Variants in HMGB1 observed in about 807,000 individuals in gnomAD.
The protein encoded by HMGB1 is high mobility group box 1.
For missense variants in HMGB1, 79 were observed against 253.5 expected (o/e 0.31, Z 4.67); for synonymous variants, 81 against 84.0 (o/e 0.96, Z 0.19).
intron 1 of HMGB1, among the ~76,000 whole-genome samples, chr13:30,484,387 C>T (rs1887311849): frequency 1.3e-5 from 2 of 152,186 alleles, no homozygotes; most frequent in East Asian, 3.8e-4. Context: ...GAGTCTATTA[C>T]CAGCTTTGCT....
intron 1 of HMGB1, among the ~76,000 whole-genome samples, chr13:30,491,032 CTT>C (rs936351783): frequency 6.8e-6 from 1 of 146,036 alleles, no homozygotes; most frequent in Non-Finnish European, 1.5e-5. Flanking sequence ...CACAAAAATA[CTT>C]TTTTTTTTTT....
chr13:30,550,816 T>C (rs1869392771), intron 1 of HMGB1, among the ~76,000 whole-genome samples: 1 of 152,272 alleles, frequency 6.6e-6, no homozygotes, highest in Admixed American at 6.5e-5. Flanking sequence ...TTTAAATTCA[T>C]GTGTCATATA....
rs142501980 is a variant in HMGB1 at position 30,559,370 on chromosome 13, G to T, written c.-15+57301C>A. Among the ~76,000 whole-genome samples, 1 of 152,112 alleles carries T rather than the reference G, an allele frequency of 6.6e-6. No individual in the cohort carries two copies. The highest frequency in any genetic ancestry group is 6.5e-5 in the Admixed American group (1 of 15,272). On this transcript the variant is annotated intron_variant, in intron 1 of 4. Coordinates refer to the HMGB1 transcript ENST00000405805. This position sits in a 1 kb window ranked among gnomAD's most constrained non-coding sequence, Gnocchi z 6.6. ...TTTTACAGGGTGAACTCCCAATCCC[G>T]GTAAGATGGCCCGAGTTTCATTGCT... is the stretch of plus-strand genomic sequence containing the variant.
intron 1 of HMGB1, among the ~76,000 whole-genome samples, chr13:30,600,552 C>A (rs1482562721): frequency 6.6e-6 from 1 of 152,066 alleles, no homozygotes; most frequent in Non-Finnish European, 1.5e-5. Flanking sequence ...TCAATTCAAT[C>A]CTAAAAATTA....
chr13:30,507,017 G>A (rs1438467883), intron 1 of HMGB1, among the ~76,000 whole-genome samples: 3 of 152,180 alleles, frequency 2.0e-5, no homozygotes, highest in Non-Finnish European at 4.4e-5. Flanking sequence ...AAAGCAAAGC[G>A]ATCAGGGTGC....
chr13:30,555,133 C>T (rs1273568892), intron 1 of HMGB1, among the ~76,000 whole-genome samples: 1 of 148,554 alleles, frequency 6.7e-6, no homozygotes, highest in Non-Finnish European at 1.5e-5. Context: ...GCTCCGCCTC[C>T]TGGGTTCACG....
intron 1 of HMGB1, chr13:30,464,761 TTG>T (rs376284891): frequency 0.085 from 14,029 of 164,298 alleles, 1,322 homozygotes; most frequent in African/African-American, 0.26. Flanking sequence ...CTCCTTCCCT[TTG>T]TGTGTGTGTG....
intron 1 of HMGB1, among the ~76,000 whole-genome samples, chr13:30,473,618 T>C (rs779253003): frequency 6.6e-6 from 1 of 152,164 alleles, no homozygotes; most frequent in Non-Finnish European, 1.5e-5. Context: ...TGGGTGAGCA[T>C]GTGGAGAAAG....
chr13:30,513,397 C>T (rs1246265363), intron 1 of HMGB1, among the ~76,000 whole-genome samples: 2 of 152,206 alleles, frequency 1.3e-5, no homozygotes, highest in African/African-American at 4.8e-5. Flanking sequence ...TCATTGTATG[C>T]TATGCATGTG....
intron 3 of HMGB1, 120 bp from the exon 4 acceptor site, chr13:30,462,832 G>A (rs1886442921): frequency 6.6e-6 from 5 of 752,936 alleles, no homozygotes; most frequent in Non-Finnish European, 1.1e-5. Flanking sequence ...ATTGGACAGG[G>A]TGCAAATACT....
chr13:30,590,961 C>T (rs1871340958), intron 1 of HMGB1, among the ~76,000 whole-genome samples: 1 of 151,536 alleles, frequency 6.6e-6, no homozygotes, highest in African/African-American at 2.4e-5. Flanking sequence ...TTTGTTATAG[C>T]AGCCTGAATA....
chr13:30,514,271 G>A (rs1343401283), intron 1 of HMGB1, among the ~76,000 whole-genome samples: 1 of 151,468 alleles, frequency 6.6e-6, no homozygotes, highest in Non-Finnish European at 1.5e-5. Flanking sequence ...CTAGTACTGA[G>A]CTGTACTGAG....
intron 1 of HMGB1, among the ~76,000 whole-genome samples, chr13:30,488,609 G>C (rs1053313345): frequency 6.6e-6 from 1 of 151,160 alleles, no homozygotes; most frequent in Non-Finnish European, 1.5e-5. Flanking sequence ...TGAGCCTCCT[G>C]AGTGACTGGG....
rs534995550 is a variant in HMGB1, at chr13:30,465,757, G to A, written c.-15+39C>T. 12 of 979,396 alleles carry A rather than the reference G, an allele frequency of 1.2e-5. 1 individual carries two copies. In the South Asian group the frequency reaches 4.7e-4, roughly 39 times the overall value. The allele number at this position is 979,396 out of a possible 1,614,324, so 60.7% of individuals were successfully genotyped here. On this transcript the variant is annotated intron_variant, in intron 1 of 4. Coordinates refer to ENST00000341423, the MANE Select transcript of HMGB1 (RefSeq NM_002128.7). Reference sequence around the variant, plus strand: ...CCGCCGCGCGGGCTGGGGAGCTGCCGGAGGCGCTCTCCCCGCCGCGGCGCT... The same window carrying A: ...CCGCCGCGCGGGCTGGGGAGCTGCCAGAGGCGCTCTCCCCGCCGCGGCGCT...
At chr13:30,573,768 G>A (rs762693496) in intron 1 of HMGB1, among the ~76,000 whole-genome samples, 3 of 151,174 alleles carry the variant, frequency 2.0e-5, no homozygotes, top group African/African-American at 4.9e-5. Context: ...CTCCCACCTC[G>A]GCCTCCCAAG....
At position 30,520,552 on chromosome 13, in the gene HMGB1, G is replaced by A. The variant is rs530246699; in HGVS notation, c.-14-56858C>T. ...CGAGAATCACTTGAACCTGGGAGGCGGAGGTTGCAGTGAGCTGTGATCAGG... is the reference window on the plus strand; with the variant it reads ...CGAGAATCACTTGAACCTGGGAGGCAGAGGTTGCAGTGAGCTGTGATCAGG... On this transcript the variant is annotated intron_variant, in intron 1 of 4. Transcript: ENST00000405805. Among the ~76,000 whole-genome samples the A allele has an allele frequency of 9.2e-5, 14 of 152,176 alleles. No homozygotes were observed. In the South Asian group the frequency reaches 2.3e-3, roughly 25 times the overall value.
At chr13:30,470,057 C>T (rs1449521152), upstream of HMGB1, among the ~76,000 whole-genome samples, 2 of 152,022 alleles carry the variant, frequency 1.3e-5, no homozygotes, top group Non-Finnish European at 2.9e-5. Context: ...GGATGACAGG[C>T]ATGAACCACC....
intron 1 of HMGB1, among the ~76,000 whole-genome samples, chr13:30,505,311 T>C (rs1887829475): frequency 6.6e-6 from 1 of 152,078 alleles, no homozygotes; most frequent in Non-Finnish European, 1.5e-5. Context: ...CCCTAGTAGC[T>C]GGGATTACAG....
At chr13:30,561,464 G>A (rs1424161262) in intron 1 of HMGB1, among the ~76,000 whole-genome samples, 1 of 152,182 alleles carries the variant, frequency 6.6e-6, no homozygotes, top group East Asian at 1.9e-4. Flanking sequence ...GAGGTAGGAT[G>A]GTGGACTCGG....
Sources: allele counts gnomAD v4.1 joint callset (sites outside exome capture counted in the v4.1 genomes callset), GRCh38; gene constraint gnomAD v4.1.1; non-coding constraint Gnocchi (gnomAD v3.1); transcripts MANE v1.5; gene names NCBI Gene and HGNC (gene_info 2026-07-23, HGNC 2026-07-21).